Variants in SLC12A5 observed in about 807,000 individuals in gnomAD.
The protein encoded by SLC12A5 is K-Cl cotransporter 2.
A neutral mutation model predicts 124.0 loss-of-function variants in SLC12A5; 18 were observed. That is an observed-to-expected ratio of 0.15 (90% confidence interval 0.10 to 0.22). The LOEUF (loss-of-function observed/expected upper bound fraction) is 0.22. Ranked by LOEUF, SLC12A5 falls within the 10% of genes least tolerant of loss-of-function variation. The probability of loss-of-function intolerance (pLI) is 1.00; values close to 1 mark genes in which losing one functional copy is unlikely to be tolerated. For missense variants in SLC12A5, 867 were observed against 1,478.7 expected (o/e 0.59, Z 6.78); for synonymous variants, 589 against 568.0 (o/e 1.04, Z -0.53).
upstream of SLC12A5, chr20:46,029,077 G>A (rs1600585594): frequency 6.3e-6 from 8 of 1,261,178 alleles, no homozygotes; most frequent in East Asian, 1.9e-4. Flanking sequence ...TCTCCCTCCC[G>A]CTCTCCCCCC....
chr20:46,029,880 GT>G (rs1568855968), intron 1 of SLC12A5, among the ~76,000 whole-genome samples: 19 of 53,150 alleles, frequency 3.6e-4, no homozygotes, highest in African/African-American at 1.4e-3. Context: ...GTGTGTGTGT[GT>G]GTGTGTGTGC....
At position 46,045,739 on chromosome 20, in the gene SLC12A5, G is replaced by T; in HGVS notation, c.1570-139G>T. The T allele has an allele frequency of 1.5e-6, 1 of 668,342 alleles. No homozygotes were observed. Among genetic ancestry groups the T allele is most frequent in the South Asian group, 1.9e-5 (1 of 53,056 alleles). 41.4% of individuals were successfully genotyped at this position (668,342 alleles called of 1,614,324 possible). A position where few individuals can be genotyped will look rare whatever the true frequency, so the allele number is the denominator to read the frequency against. On this transcript the variant is annotated intron_variant, in intron 12 of 25. Transcript: ENST00000243964. The surrounding 1 kb of genome is among the most constrained non-coding windows in gnomAD (Gnocchi z 4.9). ...CCTGTTATCCATTTGCATTCTCCTG[G>T]AGGAAGAGAAATGCATCCTCTCCCT...
At chr20:46,033,209 A>G (rs931415998) in intron 1 of SLC12A5, among the ~76,000 whole-genome samples, 4 of 152,094 alleles carry the variant, frequency 2.6e-5, no homozygotes, top group Admixed American at 6.5e-5. Context: ...AGAGAGGAGG[A>G]TGGGGAAGAC....
upstream of SLC12A5, among the ~76,000 whole-genome samples, chr20:46,025,683 C>T (rs140959333): frequency 1.1e-3 from 175 of 152,266 alleles, 1 homozygote; most frequent in East Asian, 0.024. Flanking sequence ...ATTAAACCCC[C>T]GGTTGCCACG....
At chr20:46,044,789 A>G in intron 11 of SLC12A5, 177 bp from the exon 12 acceptor site, 1 of 700,620 alleles carries the variant, frequency 1.4e-6, no homozygotes, top group Non-Finnish European at 2.4e-6. Context: ...AGGAAATTAG[A>G]GAATTATTTT....
At chr20:46,027,300 T>G (rs1236051138), upstream of SLC12A5, among the ~76,000 whole-genome samples, 8 of 152,192 alleles carry the variant, frequency 5.3e-5, no homozygotes, top group Non-Finnish European at 1.2e-4. Context: ...CCTTTGGGTA[T>G]CCAAAAAACC....
chr20:46,051,409 C>T (rs751290843), intron 17 of SLC12A5, among the ~76,000 whole-genome samples: 5 of 151,822 alleles, frequency 3.3e-5, no homozygotes, highest in Admixed American at 6.6e-5. Context: ...GAGAGCATGT[C>T]GGGCAGGGGG....
intron 2 of SLC12A5, 29 bp from the exon 3 acceptor site, chr20:46,035,375 C>G (rs2084488188): frequency 6.2e-7 from 1 of 1,600,214 alleles, no homozygotes; most frequent in East Asian, 2.2e-5. Context: ...CTCCCCCAGC[C>G]TCCTAGCACT....
rs377709894 is a variant in SLC12A5 at position 46,051,745 on chromosome 20, G to A, written c.2252G>A (p.Arg751His). Residue 751 changes from arginine to histidine, a missense_variant, in exon 18 of 26, where the codon CGT becomes CAT. Physicochemically the swap from Arg to His is conservative, Grantham distance 29. Coordinates refer to ENST00000243964, the MANE Select transcript of SLC12A5 (RefSeq NM_020708.5). ...CAGGTGGTGATCTCCTCCAACTTGCGTGATGGCGTGTCCCATCTGATCCAG... is the reference window on the plus strand; with the variant it reads ...CAGGTGGTGATCTCCTCCAACTTGCATGATGGCGTGTCCCATCTGATCCAG... ...FCQVVISSNL[R>H]DGVSHLIQSG... The A allele has an allele frequency of 2.8e-5, 45 of 1,611,570 alleles. No individual in the cohort carries two copies. Among genetic ancestry groups the A allele is most frequent in the South Asian group, 7.7e-5 (7 of 90,640 alleles).
chr20:46,041,742 G>T (rs187187642), intron 8 of SLC12A5, among the ~76,000 whole-genome samples: 208 of 152,342 alleles, frequency 1.4e-3, no homozygotes, highest in Non-Finnish European at 2.4e-3. Flanking sequence ...AGTAGGAAAA[G>T]AAGTCATCAA....
At chr20:46,055,529 T>C (rs1039769242) in intron 21 of SLC12A5, among the ~76,000 whole-genome samples, 6 of 151,942 alleles carry the variant, frequency 3.9e-5, no homozygotes, top group Admixed American at 2.0e-4. Context: ...TAGGTGTGGG[T>C]GATGTAGAAC....
intron 7 of SLC12A5, 61 bp from the exon 8 acceptor site, chr20:46,041,268 A>G (rs2084544560): frequency 4.8e-6 from 7 of 1,469,718 alleles, no homozygotes; most frequent in South Asian, 1.2e-5. Flanking sequence ...CGGTGGCTGT[A>G]TTGTGCAGCG....
At position 46,057,937 on chromosome 20, in the gene SLC12A5, C is replaced by G. The variant is rs953861982; in HGVS notation, c.*332C>G. The G allele has an allele frequency of 4.1e-6, 1 of 246,206 alleles. No individual in the cohort carries two copies. Among genetic ancestry groups the G allele is most frequent in the African/African-American group, 2.3e-5 (1 of 44,206 alleles). 15.3% of individuals were successfully genotyped at this position (246,206 alleles called of 1,614,324 possible). A position where few individuals can be genotyped will look rare whatever the true frequency, so the allele number is the denominator to read the frequency against. On this transcript the variant is annotated 3_prime_UTR_variant, in exon 26 of 26. Coordinates refer to ENST00000243964, the MANE Select transcript of SLC12A5 (RefSeq NM_020708.5). The surrounding 1 kb of genome is among the most constrained non-coding windows in gnomAD (Gnocchi z 7.1). ...AGAGGAGCTGGGGCCTTGGGGACCC[C>G]CAGGTAGTCCATGCGGCCCATTCCT...
intron 1 of SLC12A5, among the ~76,000 whole-genome samples, chr20:46,034,659 A>C (rs954087616): frequency 1.8e-4 from 27 of 152,126 alleles, no homozygotes; most frequent in Non-Finnish European, 3.4e-4. Flanking sequence ...GCCCAGCTAT[A>C]GTTAAGAAGG....
In SLC12A5 at chr20:46,059,603, T is replaced by G; in HGVS notation, c.*1998T>G. Reference sequence around the variant, plus strand: ...AGTTGCACTATCTGGGCCCAGATTGTCTGGTTGGCAAGAGCAAAGTTTCCG... The same window carrying G: ...AGTTGCACTATCTGGGCCCAGATTGGCTGGTTGGCAAGAGCAAAGTTTCCG... On this transcript the variant is annotated 3_prime_UTR_variant, in exon 26 of 26. Transcript: ENST00000243964. 2.5e-6 allele frequency: 1 copy of G among 399,086 alleles called. No homozygotes were observed. Among genetic ancestry groups the G allele is most frequent in the Non-Finnish European group, 4.4e-6 (1 of 226,072 alleles). The allele number at this position is 399,086 out of a possible 1,614,324, so 24.7% of individuals were successfully genotyped here.
upstream of SLC12A5, chr20:46,021,695 T>A (rs2084355722): frequency 6.6e-7 from 1 of 1,517,502 alleles, no homozygotes; most frequent in Non-Finnish European, 8.8e-7. Flanking sequence ...TCTTTCTCCC[T>A]CCTAGAGCCT....
In SLC12A5 at chr20:46,058,917, C is replaced by T; in HGVS notation, c.*1312C>T. 1 of 395,752 alleles carries T rather than the reference C, an allele frequency of 2.5e-6. No homozygotes were observed. Among genetic ancestry groups the T allele is most frequent in the Non-Finnish European group, 4.4e-6 (1 of 224,802 alleles). 24.5% of individuals were successfully genotyped at this position (395,752 alleles called of 1,614,324 possible). ...TTAGCAGCGGCCTCTAGCTCCGTCT[C>T]CCGGGGACCTGGGCCTGAGGGAGGG... On this transcript the variant is annotated 3_prime_UTR_variant, in exon 26 of 26. Transcript: ENST00000243964. The surrounding 1 kb of genome is among the most constrained non-coding windows in gnomAD (Gnocchi z 5.8).
intron 6 of SLC12A5, 77 bp downstream of exon 6, chr20:46,037,462 A>G: frequency 3.5e-6 from 5 of 1,437,392 alleles, no homozygotes; most frequent in Non-Finnish European, 3.7e-6. Flanking sequence ...CACCTCCTAT[A>G]GGCCAGGCCA....
At chr20:46,042,155 A>C (rs2084553684) in intron 8 of SLC12A5, among the ~76,000 whole-genome samples, 1 of 152,224 alleles carries the variant, frequency 6.6e-6, no homozygotes, top group African/African-American at 2.4e-5. Context: ...AAGGTGGAGA[A>C]AGAAGCGATG....
Sources: gnomAD v4.1 joint callset for allele counts (sites outside exome capture counted in the v4.1 genomes callset) on GRCh38, gnomAD v4.1.1 for gene constraint, Gnocchi (gnomAD v3.1) non-coding constraint, MANE v1.5 for transcripts, NCBI Gene and HGNC (gene_info 2026-07-23, HGNC 2026-07-21) for gene names.